FAM20C: variants seen among roughly 807,000 people sequenced by gnomAD.
The protein encoded by FAM20C is extracellular serine/threonine protein kinase FAM20C.
In FAM20C, 40 loss-of-function variants were observed where a neutral mutation model predicts 51.5. That is an observed-to-expected ratio of 0.78 (90% CI 0.60 to 1.01). The LOEUF (loss-of-function observed/expected upper bound fraction) is 1.01, where lower values mean the gene tolerates loss of function less well. Among genes scored for constraint, FAM20C ranks in the 50% least tolerant of loss-of-function variants. The pLI is 0.00. For synonymous variants in FAM20C, 406 were observed against 380.6 expected (o/e 1.07, Z -0.78); for missense variants, 861 against 844.7 (o/e 1.02, Z -0.24).
At chr7:203,206 C>G (rs1254891300) in intron 2 of FAM20C, among the ~76,000 whole-genome samples, 1 of 152,220 alleles carries the variant, frequency 6.6e-6, no homozygotes, top group Non-Finnish European at 1.5e-5. Context: ...TGGGCAGGCT[C>G]TGACTGACCC....
At chr7:247,816 G>T (rs1480676986) in intron 4 of FAM20C, among the ~76,000 whole-genome samples, 1 of 152,194 alleles carries the variant, frequency 6.6e-6, no homozygotes, top group Admixed American at 6.5e-5. Context: ...GCGTGGTCGG[G>T]CCTTGGGTCC....
At chr7:254,181 C>G (rs1788507567) in intron 5 of FAM20C, among the ~76,000 whole-genome samples, 1 of 152,228 alleles carries the variant, frequency 6.6e-6, no homozygotes, top group Non-Finnish European at 1.5e-5. Flanking sequence ...ACCCCGTTTC[C>G]TCTCCGAACC....
intron 3 of FAM20C, among the ~76,000 whole-genome samples, chr7:243,919 A>AAAT (rs769426964): frequency 2.2e-3 from 317 of 142,452 alleles, no homozygotes; most frequent in African/African-American, 5.9e-3. Flanking sequence ...TTTCTAAAGA[A>AAAT]AATAATAATA....
intron 1 of FAM20C, 70 bp from the exon 2 acceptor site, chr7:195,484 C>G (rs1785815550): frequency 4.5e-6 from 6 of 1,339,004 alleles, no homozygotes; most frequent in African/African-American, 1.5e-5. Context: ...GCGTCGGTGC[C>G]CTCTCCCCGT....
At chr7:245,709 A>C (rs1374144059) in intron 3 of FAM20C, among the ~76,000 whole-genome samples, 8 of 152,190 alleles carry the variant, frequency 5.3e-5, no homozygotes, top group Non-Finnish European at 1.2e-4. Flanking sequence ...CCGGCACCTC[A>C]CAGGGCCCTG....
chr7:212,319 C>T (rs769653589), intron 3 of FAM20C, among the ~76,000 whole-genome samples: 3 of 152,010 alleles, frequency 2.0e-5, no homozygotes, highest in Admixed American at 6.6e-5. Context: ...AAAAATTAGC[C>T]GGGTGTGGTG....
chr7:233,073 G>C (rs1787746349), intron 3 of FAM20C, among the ~76,000 whole-genome samples: 1 of 152,240 alleles, frequency 6.6e-6, no homozygotes, highest in African/African-American at 2.4e-5. Context: ...CGTCCAAGCT[G>C]TGCCATGTTC....
chr7:193,452 A>G lies in FAM20C; in HGVS notation c.253A>G (p.Lys85Glu). The G allele has an allele frequency of 6.8e-7, 1 of 1,461,740 alleles. No homozygotes were observed. The highest frequency in any genetic ancestry group is 9.1e-7 in the Non-Finnish European group (1 of 1,099,492). The allele number at this position is 1,461,740 out of a possible 1,614,324, so 90.5% of individuals were successfully genotyped here. A position where few individuals can be genotyped will look rare whatever the true frequency, so the allele number is the denominator to read the frequency against. The change falls in exon 1 of 10, where the codon AAG becomes GAG. Residue 85 changes from lysine to glutamate, a missense_variant. Physicochemically the swap from Lys to Glu is moderately conservative, Grantham distance 56. This residue lies in a region of FAM20C where 561 missense variants were observed against 499.8 expected (regional missense o/e 1.12). Transcript: ENST00000313766. ...CGCCGGCGACGCGGGCTGGCCCAAC[A>G]AGCACACGCTCCGCATCCTGCAGGA... ...SAAGDAGWPN[K>E]HTLRILQDFS...
At chr7:210,327 T>C (rs1786653821) in intron 3 of FAM20C, among the ~76,000 whole-genome samples, 1 of 152,132 alleles carries the variant, frequency 6.6e-6, no homozygotes, top group Non-Finnish European at 1.5e-5. Context: ...TTGAGGAGGC[T>C]CAGCCAGGAG....
At chr7:232,860 T>C (rs1382078550) in intron 3 of FAM20C, among the ~76,000 whole-genome samples, 1 of 152,192 alleles carries the variant, frequency 6.6e-6, no homozygotes, top group African/African-American at 2.4e-5. Flanking sequence ...GCCCTGGATT[T>C]CGGAGAAACA....
At chr7:205,865 G>C (rs1409083295) in intron 2 of FAM20C, among the ~76,000 whole-genome samples, 3 of 152,052 alleles carry the variant, frequency 2.0e-5, no homozygotes, top group Non-Finnish European at 4.4e-5. Flanking sequence ...TCCTCACGCT[G>C]ACCCTCCCTC....
chr7:227,604 T>A (rs1040940488), intron 3 of FAM20C: 2 of 152,102 alleles, frequency 1.3e-5, no homozygotes, highest in African/African-American at 4.8e-5. Context: ...AAAGGAAGCA[T>A]CACAAGGGTT....
At chr7:237,507 TG>T (rs1172105690) in intron 3 of FAM20C, among the ~76,000 whole-genome samples, 2 of 152,140 alleles carry the variant, frequency 1.3e-5, no homozygotes, top group East Asian at 3.8e-4. Context: ...ATAATGGTGA[TG>T]GTGATGATGA....
intron 2 of FAM20C, among the ~76,000 whole-genome samples, chr7:200,129 G>C (rs1345662976): frequency 6.6e-6 from 1 of 152,226 alleles, no homozygotes; most frequent in Non-Finnish European, 1.5e-5. Context: ...GCTGCCTGCA[G>C]GTACCTGGGA....
chr7:232,510 C>T (rs1164217361), intron 3 of FAM20C, among the ~76,000 whole-genome samples: 2 of 152,240 alleles, frequency 1.3e-5, no homozygotes, highest in African/African-American at 2.4e-5. Context: ...ACTCAAACAG[C>T]TTAGCACAGC....
At chr7:207,699 C>T (rs1305311538) in intron 2 of FAM20C, among the ~76,000 whole-genome samples, 1 of 152,240 alleles carries the variant, frequency 6.6e-6, no homozygotes, top group Non-Finnish European at 1.5e-5. Context: ...CCCCGTGAGG[C>T]CCCCTCACAC....
rs976190140 is a variant in FAM20C, at chr7:246,575, C to A, written c.956+68C>A. ...CAGACCCACCGGTGAGTGAGGCCGT[C>A]CTGCACTGGACACAGCAGGACGTCA... is the stretch of plus-strand genomic sequence containing the variant. On this transcript the variant is annotated intron_variant, in intron 4 of 9. Transcript: ENST00000313766. 20 of 1,192,278 alleles carry A rather than the reference C, an allele frequency of 1.7e-5. No individual in the cohort carries two copies. In the East Asian group the frequency reaches 3.1e-4, roughly 18 times the overall value. The allele number at this position is 1,192,278 out of a possible 1,614,324, so 73.9% of individuals were successfully genotyped here. A position where few individuals can be genotyped will look rare whatever the true frequency, so the allele number is the denominator to read the frequency against.
At chr7:256,271 C>T (rs1459355968) in intron 6 of FAM20C, 2 of 599,808 alleles carry the variant, frequency 3.3e-6, no homozygotes, top group Non-Finnish European at 5.8e-6. Context: ...TCCCTCGAAT[C>T]GGGGCCTCTC....
chr7:193,562 G>C lies in FAM20C; in HGVS notation c.363G>C (p.Leu121Phe). Residue 121 changes from leucine to phenylalanine, a missense_variant, in exon 1 of 10, where the codon TTG (leucine) becomes TTC (phenylalanine). Leu to Phe is a conservative substitution (Grantham distance 22). This residue lies in a region of FAM20C where 561 missense variants were observed against 499.8 expected (regional missense o/e 1.12). Transcript: ENST00000313766. ...CGGCCGAGCCGGCCGAGCGCGCCTT[G>C]CGGGGGCGGGATCCCGGCGCCCTAA... Reference protein sequence around the residue: ...PPAAEPAERALRGRDPGALRP... With the variant: ...PPAAEPAERAFRGRDPGALRP... The C allele has an allele frequency of 1.3e-6, 2 of 1,497,768 alleles. No individual in the cohort carries two copies. The highest frequency in any genetic ancestry group is 1.8e-6 in the Non-Finnish European group (2 of 1,121,490). 92.8% of individuals were successfully genotyped at this position (1,497,768 alleles called of 1,614,324 possible). A position where few individuals can be genotyped will look rare whatever the true frequency, so the allele number is the denominator to read the frequency against.
Sources: gnomAD v4.1 joint callset for allele counts (sites outside exome capture counted in the v4.1 genomes callset) on GRCh38, gnomAD v4.1.1 for gene constraint, gnomAD v4.1.1 regional missense constraint, MANE v1.5 for transcripts, NCBI Gene and HGNC (gene_info 2026-07-23, HGNC 2026-07-21) for gene names.